The following ADAMTSL1 variants were observed in gnomAD, a reference collection of about 807,000 sequenced individuals.
ADAMTSL1 encodes the protein ADAMTS like 1.
A neutral mutation model predicts 201.8 loss-of-function variants in ADAMTSL1; 126 were observed. That is an observed-to-expected ratio of 0.62 (90% confidence interval 0.54 to 0.72). ADAMTSL1 has a LOEUF of 0.72. ADAMTSL1 is among the 30% of genes least tolerant of loss of function. The probability of loss-of-function intolerance (pLI) is 0.00; values close to 1 mark genes in which losing one functional copy is unlikely to be tolerated. For missense variants in ADAMTSL1, 2,679 were observed against 2,277.8 expected (o/e 1.18, Z -3.59); for synonymous variants, 1,121 against 903.4 (o/e 1.24, Z -4.32).
chr9:18,172,506 A>G (rs1827945225), intron 2 of ADAMTSL1, among the ~76,000 whole-genome samples: 1 of 152,162 alleles, frequency 6.6e-6, no homozygotes, highest in South Asian at 2.1e-4. Context: ...AAGTAAGGTT[A>G]TGAGAAGCAC....
intron 14 of ADAMTSL1, chr9:18,717,985 A>C: frequency 6.3e-7 from 1 of 1,586,694 alleles, no homozygotes; most frequent in Non-Finnish European, 8.7e-7. Flanking sequence ...AAAGCAGCTG[A>C]CATGATGACT....
Position 18,776,819 on chromosome 9 carries a change from G to A in ADAMTSL1, c.2590G>A (p.Ala864Thr), listed in dbSNP as rs770991381. 1 of 1,572,126 alleles carries A rather than the reference G, an allele frequency of 6.4e-7. No individual in the cohort carries two copies. Among genetic ancestry groups the A allele is most frequent in the Non-Finnish European group, 8.6e-7 (1 of 1,159,188 alleles). Reference sequence around the variant, plus strand: ...ATCCACGAAGCACAGCCCGCACATCGCGGCCGCCAGGAAGGTCTACATACA... The same window carrying A: ...ATCCACGAAGCACAGCCCGCACATCACGGCCGCCAGGAAGGTCTACATACA... ...RPSTKHSPHI[A>T]AARKVYIQTR... The change falls in exon 19 of 29, where the codon GCG becomes ACG. Residue 864 changes from alanine to threonine, a missense_variant. Physicochemically the swap from Ala to Thr is moderately conservative, Grantham distance 58. Transcript: ENST00000380548.
At chr9:18,788,442 G>A (rs937795516) in intron 19 of ADAMTSL1, among the ~76,000 whole-genome samples, 8 of 116,490 alleles carry the variant, frequency 6.9e-5, no homozygotes, top group African/African-American at 1.7e-4. Flanking sequence ...ACTAGGCCCC[G>A]GTAGATTCCT....
intron 1 of ADAMTSL1, among the ~76,000 whole-genome samples, chr9:17,984,197 A>G (rs79523000): frequency 6.6e-6 from 1 of 152,094 alleles, no homozygotes; most frequent in East Asian, 1.9e-4. Context: ...TTAAAATAGA[A>G]TTTTTCCTAA....
chr9:18,879,889 A>G (rs1828419921), intron 23 of ADAMTSL1, among the ~76,000 whole-genome samples: 1 of 152,208 alleles, frequency 6.6e-6, no homozygotes, highest in Non-Finnish European at 1.5e-5. Flanking sequence ...ATTGGTGTCA[A>G]TCCTCTCAAA....
intron 2 of ADAMTSL1, among the ~76,000 whole-genome samples, chr9:18,424,890 G>A (rs184039361): frequency 6.6e-6 from 1 of 152,250 alleles, no homozygotes; most frequent in Admixed American, 6.5e-5. Flanking sequence ...AAAAGAGTAT[G>A]CCCTGGAGTA....
At chr9:18,562,931 G>T (rs368778790) in intron 3 of ADAMTSL1, among the ~76,000 whole-genome samples, 29 of 152,208 alleles carry the variant, frequency 1.9e-4, no homozygotes, top group African/African-American at 6.5e-4. Context: ...ATTTTTCAAG[G>T]TTCTTAGCTT....
chr9:18,503,421 G>GTGTATATATATATATATATA (rs376466829), intron 1 of ADAMTSL1, among the ~76,000 whole-genome samples: 1,470 of 115,118 alleles, frequency 0.013, 107 homozygotes, highest in Middle Eastern at 0.019. Context: ...ATTCCATTGT[G>GTGTATATATATATATATATA]TATATATATA....
chr9:18,142,028 C>T (rs998934220), intron 1 of ADAMTSL1, among the ~76,000 whole-genome samples: 1 of 152,206 alleles, frequency 6.6e-6, no homozygotes, highest in African/African-American at 2.4e-5. Flanking sequence ...TAGGCAAACT[C>T]AGTAAGTGAG....
intron 13 of ADAMTSL1, among the ~76,000 whole-genome samples, chr9:18,686,494 A>G (rs1228903210): frequency 6.6e-6 from 1 of 152,200 alleles, no homozygotes; most frequent in Non-Finnish European, 1.5e-5. Flanking sequence ...TTAGGGGGGC[A>G]TTAATAACTT....
At chr9:18,462,028 T>C (rs933664063) in intron 2 of ADAMTSL1, among the ~76,000 whole-genome samples, 2 of 152,104 alleles carry the variant, frequency 1.3e-5, no homozygotes, top group Non-Finnish European at 2.9e-5. Flanking sequence ...CCATCAGCTT[T>C]TGGTTGAAAA....
At chr9:18,260,272 C>G (rs547834322) in intron 2 of ADAMTSL1, among the ~76,000 whole-genome samples, 2 of 152,348 alleles carry the variant, frequency 1.3e-5, no homozygotes, top group African/African-American at 2.4e-5. Context: ...CAGCTCAGAG[C>G]AAGCATGCTT....
At chr9:18,551,962 T>C (rs1820823058) in intron 3 of ADAMTSL1, among the ~76,000 whole-genome samples, 2 of 151,852 alleles carry the variant, frequency 1.3e-5, no homozygotes, top group Non-Finnish European at 2.9e-5. Context: ...GCATCTCTAA[T>C]GGTGTTTGGG....
chr9:18,265,618 A>G (rs914753678), intron 2 of ADAMTSL1, among the ~76,000 whole-genome samples: 1 of 152,222 alleles, frequency 6.6e-6, no homozygotes, highest in Non-Finnish European at 1.5e-5. Flanking sequence ...TTCATTTAAC[A>G]GTGCCTGCTA....
chr9:18,314,879 C>T (rs1317119553), intron 2 of ADAMTSL1, among the ~76,000 whole-genome samples: 3 of 140,748 alleles, frequency 2.1e-5, no homozygotes, highest in East Asian at 4.5e-4. Flanking sequence ...TCACTGCAAG[C>T]TCCGCCTCCC....
chr9:18,496,205 A>G (rs188414232), intron 1 of ADAMTSL1, among the ~76,000 whole-genome samples: 5 of 152,358 alleles, frequency 3.3e-5, no homozygotes, highest in African/African-American at 1.2e-4. Context: ...ATAATGGGAC[A>G]TCAAGTAACT....
chr9:18,358,460 A>G (rs916158164), intron 2 of ADAMTSL1, among the ~76,000 whole-genome samples: 8 of 152,330 alleles, frequency 5.3e-5, no homozygotes, highest in African/African-American at 1.9e-4. Flanking sequence ...AACCATAACC[A>G]CTAATTCCAG....
intron 13 of ADAMTSL1, among the ~76,000 whole-genome samples, chr9:18,704,148 G>A (rs776653104): frequency 4.6e-5 from 7 of 152,062 alleles, no homozygotes; most frequent in Non-Finnish European, 8.8e-5. Flanking sequence ...CCTTCCATCA[G>A]CATCCCATCA....
rs373731146 is a variant in ADAMTSL1, at chr9:18,156,385, T to G, written c.88-7477T>G. On this transcript the variant is annotated intron_variant, in intron 1 of 29. Coordinates refer to the ADAMTSL1 transcript ENST00000680146. ...TTGATTTAAAGTATGGGTGGTATCC[T>G]GACTTCCAACTCCTAAGCAACTCAC... Among the ~76,000 whole-genome samples the G allele has an allele frequency of 3.4e-4, 52 of 152,146 alleles. No individual in the cohort carries two copies. In the South Asian group the frequency reaches 0.011, roughly 32 times the overall value.
Sources: gnomAD v4.1 joint callset for allele counts (sites outside exome capture counted in the v4.1 genomes callset) on GRCh38, gnomAD v4.1.1 for gene constraint, MANE v1.5 for transcripts, NCBI Gene and HGNC (gene_info 2026-07-23, HGNC 2026-07-21) for gene names.